The following NEK7 variants were observed in gnomAD, a reference collection of about 807,000 sequenced individuals.
NEK7 encodes serine/threonine-protein kinase Nek7.
A neutral mutation model predicts 44.6 loss-of-function variants in NEK7; 18 were observed. That is an observed-to-expected ratio of 0.40 (90% CI 0.28 to 0.60). The LOEUF (loss-of-function observed/expected upper bound fraction) is 0.60. NEK7 is among the 20% of genes least tolerant of loss of function. The probability of loss-of-function intolerance (pLI) is 0.38; values close to 1 mark genes in which losing one functional copy is unlikely to be tolerated. For synonymous variants in NEK7, 130 were observed against 121.1 expected (o/e 1.07, Z -0.48); for missense variants, 256 against 366.5 (o/e 0.70, Z 2.46).
intron 4 of NEK7, among the ~76,000 whole-genome samples, 193 bp from the exon 5 acceptor site, chr1:198,263,927 ATAAAT>A (rs1571586478): frequency 6.6e-6 from 1 of 151,994 alleles, no homozygotes; most frequent in Non-Finnish European, 1.5e-5. Context: ...GAATATTAAG[ATAAAT>A]TAATTTATAC....
chr1:198,192,484 A>G (rs2359665), intron 1 of NEK7, among the ~76,000 whole-genome samples: 46,464 of 151,790 alleles, frequency 0.31, 7,781 homozygotes, highest in South Asian at 0.41. Flanking sequence ...ATTACTCCAA[A>G]GTTTCTTTGG....
At chr1:198,160,568 A>T (rs1664075017) in intron 1 of NEK7, among the ~76,000 whole-genome samples, 1 of 152,182 alleles carries the variant, frequency 6.6e-6, no homozygotes, top group Non-Finnish European at 1.5e-5. Context: ...GCCATGTATG[A>T]TTACTGTTTG....
At chr1:198,193,780 A>C (rs1382472656) in intron 1 of NEK7, among the ~76,000 whole-genome samples, 1 of 152,208 alleles carries the variant, frequency 6.6e-6, no homozygotes, top group Non-Finnish European at 1.5e-5. Context: ...TCAACTAGGT[A>C]TTGAAGGAAC....
At position 198,314,616 on chromosome 1, in the gene NEK7, G is replaced by A. The variant is rs573895729; in HGVS notation, c.799-4796G>A. On this transcript the variant is annotated intron_variant, in intron 9 of 9. Transcript: ENST00000367385. ...TGATGTACAGGTGGGTTTTTGGTGT[G>A]GATGTCGTTTCTGTTTGTTAGTTTT... 9.9e-5 allele frequency among the ~76,000 whole-genome samples: 15 copies of A among 152,228 alleles called. No homozygotes were observed. In the East Asian group the frequency reaches 2.7e-3, roughly 28 times the overall value.
intron 2 of NEK7, among the ~76,000 whole-genome samples, chr1:198,250,320 T>G (rs1206896379): frequency 1.0e-3 from 147 of 145,172 alleles, no homozygotes; most frequent in South Asian, 3.1e-3. Context: ...GTGTGATGCC[T>G]CCAGCTTTGT....
chr1:198,288,761 T>C (rs983372581), intron 7 of NEK7, among the ~76,000 whole-genome samples: 17 of 152,174 alleles, frequency 1.1e-4, no homozygotes, highest in African/African-American at 3.9e-4. Flanking sequence ...GGACCTAGAA[T>C]TGTGTATGCC....
chr1:198,257,306 T>C (rs532362450), intron 3 of NEK7, among the ~76,000 whole-genome samples: 19 of 152,324 alleles, frequency 1.2e-4, no homozygotes, highest in African/African-American at 4.1e-4. Context: ...TATTTACTTA[T>C]GTTTGTTAGT....
intron 1 of NEK7, among the ~76,000 whole-genome samples, chr1:198,176,134 G>A (rs1664597594): frequency 6.6e-6 from 1 of 152,152 alleles, no homozygotes. Flanking sequence ...TTTTCTAACT[G>A]TGTTTAGTTA....
At chr1:198,287,202 C>T (rs930178288) in intron 7 of NEK7, among the ~76,000 whole-genome samples, 1 of 152,084 alleles carries the variant, frequency 6.6e-6, no homozygotes, top group Admixed American at 6.5e-5. Flanking sequence ...AGGTTCTAGG[C>T]TGGGTGCGGT....
chr1:198,253,134 C>G lies in NEK7; in HGVS notation c.152C>G (p.Ala51Gly). 6.2e-7 allele frequency: 1 copy of G among 1,611,258 alleles called. No individual in the cohort carries two copies. Among genetic ancestry groups the G allele is most frequent in the Non-Finnish European group, 8.5e-7 (1 of 1,177,866 alleles). ...GRGQFSEVYR[A>G]ACLLDGVPVA... ...GGACAATTTAGTGAAGTTTATAGAG[C>G]AGCCTGTCTCTTGGATGGAGTACCA... The change falls in exon 3 of 10, where the codon GCA becomes GGA. Residue 51 changes from alanine (A) to glycine (G), a missense_variant. Transcript: ENST00000367385.
intron 7 of NEK7, among the ~76,000 whole-genome samples, chr1:198,291,941 T>G (rs202012701): frequency 6.6e-6 from 1 of 152,250 alleles, no homozygotes; most frequent in East Asian, 1.9e-4. Context: ...ATTTAAGATT[T>G]ATAGTAAACA....
chr1:198,263,099 T>C (rs1414470355), intron 4 of NEK7, among the ~76,000 whole-genome samples: 2 of 151,940 alleles, frequency 1.3e-5, no homozygotes, highest in Admixed American at 1.3e-4. Context: ...AGGAATTAGC[T>C]TTTTAGTTTC....
chr1:198,163,159 A>G (rs556453549), intron 1 of NEK7, among the ~76,000 whole-genome samples: 1 of 152,262 alleles, frequency 6.6e-6, no homozygotes, highest in East Asian at 1.9e-4. Flanking sequence ...TGAATTCCTA[A>G]TCTTGTATTG....
At chr1:198,284,022 A>T (rs1654293398) in intron 7 of NEK7, among the ~76,000 whole-genome samples, 1 of 152,170 alleles carries the variant, frequency 6.6e-6, no homozygotes, top group African/African-American at 2.4e-5. Context: ...TTGGTCAATC[A>T]TAAATTACTC....
At chr1:198,194,631 C>G (rs1334900074) in intron 1 of NEK7, among the ~76,000 whole-genome samples, 2 of 152,118 alleles carry the variant, frequency 1.3e-5, no homozygotes, top group African/African-American at 4.8e-5. Context: ...TCCATATTCC[C>G]ACAAAGGACA....
At chr1:198,317,873 A>ATTTTTTTTTTT (rs1410887023) in intron 9 of NEK7, among the ~76,000 whole-genome samples, 1 of 26,604 alleles carries the variant, frequency 3.8e-5, no homozygotes, top group Non-Finnish European at 6.7e-5. Flanking sequence ...TACTGGATAT[A>ATTTTTTTTTTT]TTTATTTTTT....
chr1:198,253,091 G>A lies in NEK7; in HGVS notation c.109G>A (p.Glu37Lys), dbSNP rs1226149201. 1 of 1,612,410 alleles carries A rather than the reference G, an allele frequency of 6.2e-7. No individual in the cohort carries two copies. Among genetic ancestry groups the A allele is most frequent in the African/African-American group, 1.3e-5 (1 of 74,952 alleles). Residue 37 changes from glutamate to lysine, a missense_variant, in exon 3 of 10, where the codon GAA becomes AAA. By Grantham distance (56) the Glu-to-Lys change is moderately conservative. Transcript: ENST00000367385. ...GYNTLANFRIEKKIGRGQFSE... is the reference protein window; with the variant it reads ...GYNTLANFRIKKKIGRGQFSE... ...TAATACATTAGCCAACTTTCGAATA[G>A]AAAAGAAAATTGGTCGCGGACAATT... is the stretch of plus-strand genomic sequence containing the variant.
intron 2 of NEK7, among the ~76,000 whole-genome samples, chr1:198,240,045 GA>G (rs570334515): frequency 3.3e-5 from 5 of 152,200 alleles, no homozygotes; most frequent in African/African-American, 4.8e-5. Flanking sequence ...CTTATGGCCA[GA>G]CATTCCTATA....
chr1:198,276,102 C>A (rs933970242), intron 5 of NEK7, among the ~76,000 whole-genome samples: 1 of 151,536 alleles, frequency 6.6e-6, no homozygotes, highest in Non-Finnish European at 1.5e-5. Flanking sequence ...GTTACAGTCT[C>A]AAAGAATACA....
Sources: allele counts gnomAD v4.1 joint callset (sites outside exome capture counted in the v4.1 genomes callset), GRCh38; gene constraint gnomAD v4.1.1; transcripts MANE v1.5; gene names NCBI Gene and HGNC (gene_info 2026-07-23, HGNC 2026-07-21).